The following KIRREL3 variants were observed in gnomAD, a reference collection of about 807,000 sequenced individuals.
The protein encoded by KIRREL3 is kirre like nephrin family adhesion molecule 3.
A neutral mutation model predicts 89.7 loss-of-function variants in KIRREL3; 36 were observed. The ratio of observed to expected loss-of-function variants is 0.40; its 90% CI spans 0.31 to 0.53. KIRREL3 has a LOEUF of 0.53. Ranked by LOEUF, KIRREL3 falls within the 20% of genes least tolerant of loss-of-function variation. The probability of loss-of-function intolerance (pLI) is 0.49; values close to 1 mark genes in which losing one functional copy is unlikely to be tolerated. For synonymous variants in KIRREL3, 445 were observed against 441.4 expected (o/e 1.01, Z -0.10); for missense variants, 864 against 1,056.6 (o/e 0.82, Z 2.53).
chr11:126,786,225 G>C (rs1030307748), intron 1 of KIRREL3, among the ~76,000 whole-genome samples: 2 of 152,112 alleles, frequency 1.3e-5, no homozygotes, highest in Non-Finnish European at 2.9e-5. Flanking sequence ...GAAAAAAGGG[G>C]AAGATAAAAA....
intron 12 of KIRREL3, 73 bp downstream of exon 12, chr11:126,436,738 C>T: frequency 1.3e-6 from 2 of 1,549,026 alleles, no homozygotes; most frequent in Admixed American, 3.4e-5. Context: ...GCCACCCGCG[C>T]CCTGACCTAG....
rs1958362677 is a variant in KIRREL3 at position 126,515,043 on chromosome 11, T to C, written c.433+6272A>G. On this transcript the variant is annotated intron_variant, in intron 4 of 16. Transcript: ENST00000525144. The surrounding 1 kb of genome is among the most constrained non-coding windows in gnomAD (Gnocchi z 4.2). ...TCTAGGCTGTGCTAGGCATGAAGGA[T>C]GAAAGATGCTCCCAGGAGACCCGGT... Among the ~76,000 whole-genome samples, 1 of 152,152 alleles carries C rather than the reference T, an allele frequency of 6.6e-6. No homozygotes were observed. Among genetic ancestry groups the C allele is most frequent in the African/African-American group, 2.4e-5 (1 of 41,428 alleles).
rs141628794 is a variant in KIRREL3 at position 126,664,325 on chromosome 11, A to T, written c.56-101413T>A. 7.5e-3 allele frequency among the ~76,000 whole-genome samples: 1,136 copies of T among 152,118 alleles called. 12 individuals carry two copies. Among genetic ancestry groups the T allele is most frequent in the Non-Finnish European group, 0.012 (822 of 67,996 alleles). ...GTACAAAGAGGCTCACACAGAACCT[A>T]TCCTTGTCCTATGTGACAGGCAGGG... On this transcript the variant is annotated intron_variant, in intron 1 of 16. Transcript: ENST00000525144. This position sits in a 1 kb window ranked among gnomAD's most constrained non-coding sequence, Gnocchi z 5.4.
Position 126,655,996 on chromosome 11 carries a change from T to C in KIRREL3, c.56-93084A>G, listed in dbSNP as rs2134991038. On this transcript the variant is annotated intron_variant, in intron 1 of 16. Coordinates refer to ENST00000525144, the MANE Select transcript of KIRREL3 (RefSeq NM_032531.4). The surrounding 1 kb of genome is among the most constrained non-coding windows in gnomAD (Gnocchi z 5.0). Reference sequence around the variant, plus strand: ...GCTGAAGGAGGGGTGGGAGGAGGCCTTAGAAGCTAATTAGAATCCTCTAGA... The same window carrying C: ...GCTGAAGGAGGGGTGGGAGGAGGCCCTAGAAGCTAATTAGAATCCTCTAGA... 1 of 284,768 alleles carries C rather than the reference T, an allele frequency of 3.5e-6. No homozygotes were observed. Among genetic ancestry groups the C allele is most frequent in the South Asian group, 3.3e-5 (1 of 29,878 alleles). 17.6% of individuals were successfully genotyped at this position (284,768 alleles called of 1,614,324 possible).
chr11:126,856,631 T>C (rs1435439409), intron 1 of KIRREL3, among the ~76,000 whole-genome samples: 2 of 141,042 alleles, frequency 1.4e-5, no homozygotes, highest in Non-Finnish European at 3.1e-5. Flanking sequence ...TTTTTTTTTC[T>C]TTGAGACCGA....
chr11:126,901,694 C>A (rs1946378849), intron 1 of KIRREL3, among the ~76,000 whole-genome samples: 1 of 152,154 alleles, frequency 6.6e-6, no homozygotes, highest in Non-Finnish European at 1.5e-5. Flanking sequence ...CAGATGATGA[C>A]CCCTTGAACA....
chr11:126,446,108 G>A (rs1255450894), intron 9 of KIRREL3, among the ~76,000 whole-genome samples: 4 of 135,702 alleles, frequency 2.9e-5, no homozygotes, highest in Non-Finnish European at 4.6e-5. Context: ...AGATCACGCC[G>A]CTGCACTCCA....
Position 126,424,934 on chromosome 11 carries a change from C to G in KIRREL3, c.1983G>C (p.Leu661=). 3 of 1,601,344 alleles carry G rather than the reference C, an allele frequency of 1.9e-6. No homozygotes were observed. Among genetic ancestry groups the G allele is most frequent in the Non-Finnish European group, 2.6e-6 (3 of 1,170,714 alleles). The change falls in exon 17 of 17, where the codon CTG becomes CTC. Residue 661 remains leucine, a synonymous_variant. Transcript: ENST00000525144. ...GCACACGCTGCTTGCCCGCAGGACG[C>G]AGGTCGGGCTGGCAGCTGGAGAGGG... is the stretch of plus-strand genomic sequence containing the variant. ...TISLSSCQPD[L]RPAGKQRVPT... is the part of the protein sequence containing the mutation.
In KIRREL3 at chr11:126,484,742, C is replaced by T. The variant is rs1388814953; in HGVS notation, c.434-11276G>A. 6.6e-6 allele frequency among the ~76,000 whole-genome samples: 1 copy of T among 152,028 alleles called. No homozygotes were observed. Among genetic ancestry groups the T allele is most frequent in the African/African-American group, 2.4e-5 (1 of 41,398 alleles). On this transcript the variant is annotated intron_variant, in intron 4 of 16. Coordinates refer to ENST00000525144, the MANE Select transcript of KIRREL3 (RefSeq NM_032531.4). The surrounding 1 kb of genome is among the most constrained non-coding windows in gnomAD (Gnocchi z 5.2). ...GATTTAATTAATGTAGGTGTGCTTT[C>T]CCCCTCTTCAGACCCTCCCCGCCTC...
intron 1 of KIRREL3, among the ~76,000 whole-genome samples, chr11:126,866,315 G>A (rs1439875058): frequency 6.6e-6 from 1 of 152,210 alleles, no homozygotes; most frequent in African/African-American, 2.4e-5. Flanking sequence ...GGCAGGGAGG[G>A]CTGCCTTCCT....
At chr11:126,548,058 TTG>T (rs2134519081) in intron 2 of KIRREL3, among the ~76,000 whole-genome samples, 2 of 152,218 alleles carry the variant, frequency 1.3e-5, no homozygotes, top group East Asian at 3.9e-4. Flanking sequence ...GCCCTCGTCT[TTG>T]TGTGTCAGCT....
rs866014322 is a variant in KIRREL3, at chr11:126,455,511, G to A, written c.848+838C>T. On this transcript the variant is annotated intron_variant, in intron 7 of 16. Coordinates refer to ENST00000525144, the MANE Select transcript of KIRREL3 (RefSeq NM_032531.4). This position sits in a 1 kb window ranked among gnomAD's most constrained non-coding sequence, Gnocchi z 6.4. ...AAACAAAAACAGTGATGCTTTGGCCGGGTGCGGTGGCTCATGCCTGTAATC... is the reference window on the plus strand; with the variant it reads ...AAACAAAAACAGTGATGCTTTGGCCAGGTGCGGTGGCTCATGCCTGTAATC... Among the ~76,000 whole-genome samples, 6 of 152,292 alleles carry A rather than the reference G, an allele frequency of 3.9e-5. No homozygotes were observed. Among genetic ancestry groups the A allele is most frequent in the Admixed American group, 1.3e-4 (2 of 15,298 alleles).
At position 126,424,687 on chromosome 11, in the gene KIRREL3, C is replaced by G; in HGVS notation, c.2230G>C (p.Asp744His). 6.2e-7 allele frequency: 1 copy of G among 1,614,022 alleles called. No homozygotes were observed. The highest frequency in any genetic ancestry group is 8.5e-7 in the Non-Finnish European group (1 of 1,179,896). ...SGKQDGYVQF[D>H]KASKASASSS... Reference sequence around the variant, plus strand: ...GAAGCAGAAGCCTTGCTGGCCTTGTCGAACTGCACATAGCCATCCTGCTTG... The same window carrying G: ...GAAGCAGAAGCCTTGCTGGCCTTGTGGAACTGCACATAGCCATCCTGCTTG... The change falls in exon 17 of 17, where the codon GAC (aspartate) becomes CAC (histidine). Residue 744 changes from aspartate to histidine, a missense_variant. Coordinates refer to ENST00000525144, the MANE Select transcript of KIRREL3 (RefSeq NM_032531.4).
In KIRREL3 at chr11:126,523,760, C is replaced by A. The variant is rs754802632; in HGVS notation, c.284-2296G>T. 2.0e-5 allele frequency among the ~76,000 whole-genome samples: 3 copies of A among 152,190 alleles called. No individual in the cohort carries two copies. The highest frequency in any genetic ancestry group is 2.9e-5 in the Non-Finnish European group (2 of 68,028). On this transcript the variant is annotated intron_variant, in intron 3 of 16. Coordinates refer to ENST00000525144, the MANE Select transcript of KIRREL3 (RefSeq NM_032531.4). The surrounding 1 kb of genome is among the most constrained non-coding windows in gnomAD (Gnocchi z 4.9). ...AGCTGGCTGGCTACCCCCAGCCCCT[C>A]CAGCCCAGCCTCTGGATCCCACTAT...
Position 126,437,857 on chromosome 11 carries a change from T to G in KIRREL3, c.1354-848A>C, listed in dbSNP as rs530627178. ...CACACATTCGCCATACACACCATCA[T>G]GTGTACTTACAGGTACACACACTAT... On this transcript the variant is annotated intron_variant, in intron 11 of 16. Transcript: ENST00000525144. 1.6e-4 allele frequency among the ~76,000 whole-genome samples: 25 copies of G among 152,210 alleles called. No individual in the cohort carries two copies. In the East Asian group the frequency reaches 2.7e-3, roughly 16 times the overall value.
In KIRREL3 at chr11:126,768,704, A is replaced by G. The variant is rs1374488345; in HGVS notation, c.56-205792T>C. Among the ~76,000 whole-genome samples, 1 of 152,192 alleles carries G rather than the reference A, an allele frequency of 6.6e-6. No homozygotes were observed. Among genetic ancestry groups the G allele is most frequent in the Admixed American group, 6.5e-5 (1 of 15,284 alleles). On this transcript the variant is annotated intron_variant, in intron 1 of 16. Transcript: ENST00000525144. The surrounding 1 kb of genome is among the most constrained non-coding windows in gnomAD (Gnocchi z 4.5). Reference sequence around the variant, plus strand: ...CAAAATGAGAAAGAGAGTTCCAAGCAGCTGGAAGAGCAAGTGCAAAGGTCC... The same window carrying G: ...CAAAATGAGAAAGAGAGTTCCAAGCGGCTGGAAGAGCAAGTGCAAAGGTCC...
At chr11:126,921,913 CCTAT>C (rs1401186283) in intron 1 of KIRREL3, among the ~76,000 whole-genome samples, 18 of 150,688 alleles carry the variant, frequency 1.2e-4, no homozygotes, top group African/African-American at 1.7e-4. Context: ...TATCTATCTT[CCTAT>C]CTATCTATCC....
At position 126,778,633 on chromosome 11, in the gene KIRREL3, C is replaced by T. The variant is rs1204863629; in HGVS notation, c.56-215721G>A. Reference sequence around the variant, plus strand: ...TAGAATAGAAACTGCTAGAAGAACACAAAAATGCATATGGTACAGCTTTTG... The same window carrying T: ...TAGAATAGAAACTGCTAGAAGAACATAAAAATGCATATGGTACAGCTTTTG... On this transcript the variant is annotated intron_variant, in intron 1 of 16. Coordinates refer to ENST00000525144, the MANE Select transcript of KIRREL3 (RefSeq NM_032531.4). The surrounding 1 kb of genome is among the most constrained non-coding windows in gnomAD (Gnocchi z 4.5). Among the ~76,000 whole-genome samples, 1 of 152,170 alleles carries T rather than the reference C, an allele frequency of 6.6e-6. No individual in the cohort carries two copies. Among genetic ancestry groups the T allele is most frequent in the Non-Finnish European group, 1.5e-5 (1 of 68,028 alleles).
chr11:126,443,016 T>TC lies in KIRREL3; in HGVS notation c.1252+1962dup, dbSNP rs142852638. ...CCTCCCCGTCCAAGAGAAATGTCCC[T>TC]CCCGGCCTGTGTTCCCCAGGGGGCA... On this transcript the variant is annotated intron_variant, in intron 10 of 16. Transcript: ENST00000525144. The surrounding 1 kb of genome is among the most constrained non-coding windows in gnomAD (Gnocchi z 7.3). Among the ~76,000 whole-genome samples the TC allele has an allele frequency of 1.0e-3, 158 of 152,276 alleles. No homozygotes were observed. The highest frequency in any genetic ancestry group is 3.7e-3 in the African/African-American group (154 of 41,558).
Sources: allele counts gnomAD v4.1 joint callset (sites outside exome capture counted in the v4.1 genomes callset), GRCh38; gene constraint gnomAD v4.1.1; non-coding constraint Gnocchi (gnomAD v3.1); transcripts MANE v1.5; gene names NCBI Gene and HGNC (gene_info 2026-07-23, HGNC 2026-07-21).